TRIM9: variants seen among roughly 807,000 people sequenced by gnomAD.
The protein encoded by TRIM9 is tripartite motif containing 9, also known as E3 ubiquitin-protein ligase TRIM9.
A neutral mutation model predicts 78.3 loss-of-function variants in TRIM9; 26 were observed. That is an observed-to-expected ratio of 0.33 (90% CI 0.24 to 0.46). TRIM9 has a LOEUF of 0.46. Among genes scored for constraint, TRIM9 ranks in the 20% least tolerant of loss-of-function variants. TRIM9 has a pLI of 1.00. For synonymous variants in TRIM9, 398 were observed against 416.5 expected (o/e 0.96, Z 0.54); for missense variants, 787 against 1,036.4 (o/e 0.76, Z 3.30).
intron 1 of TRIM9, among the ~76,000 whole-genome samples, chr14:51,083,313 G>A (rs1381544655): frequency 6.6e-6 from 1 of 152,138 alleles, no homozygotes; most frequent in South Asian, 2.1e-4. Flanking sequence ...ATGCATTGGT[G>A]TAATCATGGC....
intron 3 of TRIM9, among the ~76,000 whole-genome samples, chr14:51,016,118 T>A (rs1314569225): frequency 6.6e-6 from 1 of 152,212 alleles, no homozygotes; most frequent in Non-Finnish European, 1.5e-5. Context: ...GGTACTGGCA[T>A]ATTACCTATG....
At chr14:51,023,972 C>T (rs112665441) in intron 2 of TRIM9, among the ~76,000 whole-genome samples, 6 of 152,276 alleles carry the variant, frequency 3.9e-5, no homozygotes, top group African/African-American at 1.2e-4. Flanking sequence ...AACTGGTAGG[C>T]ATTTAGTAAT....
intron 1 of TRIM9, among the ~76,000 whole-genome samples, chr14:51,049,205 G>A (rs962726633): frequency 4.4e-4 from 67 of 152,246 alleles, no homozygotes; most frequent in African/African-American, 1.6e-3. Context: ...GGGACTACAG[G>A]CATGCGCCAT....
In TRIM9 at chr14:51,008,987, T is replaced by C. The variant is rs2056214799; in HGVS notation, c.1306+93A>G. On this transcript the variant is annotated intron_variant, in intron 5 of 12. Transcript: ENST00000684578. ...ATAAGTTAGAAGCCACTCCATATTC[T>C]TGTTACATTAGCCAAAGGGGTACTG... 3 of 1,287,858 alleles carry C rather than the reference T, an allele frequency of 2.3e-6. No homozygotes were observed. In the East Asian group the frequency reaches 6.9e-5, roughly 30 times the overall value. The allele number at this position is 1,287,858 out of a possible 1,614,324, so 79.8% of individuals were successfully genotyped here. A position where few individuals can be genotyped will look rare whatever the true frequency, so the allele number is the denominator to read the frequency against.
intron 5 of TRIM9, among the ~76,000 whole-genome samples, chr14:51,003,562 G>A (rs1006458076): frequency 4.6e-5 from 7 of 151,834 alleles, no homozygotes; most frequent in Non-Finnish European, 8.8e-5. Context: ...AAAAGTAACT[G>A]AAATACATGA....
intron 1 of TRIM9, among the ~76,000 whole-genome samples, chr14:51,055,987 G>A (rs1027125927): frequency 1.3e-5 from 2 of 152,154 alleles, no homozygotes; most frequent in African/African-American, 4.8e-5. Context: ...CTCTGCCACA[G>A]AAGACAACCT....
At chr14:51,067,234 C>T (rs1596303512) in intron 1 of TRIM9, among the ~76,000 whole-genome samples, 1 of 152,088 alleles carries the variant, frequency 6.6e-6, no homozygotes, top group African/African-American at 2.4e-5. Flanking sequence ...TTTCTGAGGC[C>T]CCCTCCTAAT....
chr14:50,986,362 G>C (rs1372707701), intron 7 of TRIM9: 1 of 375,574 alleles, frequency 2.7e-6, no homozygotes, highest in Non-Finnish European at 4.7e-6. Flanking sequence ...GAACAACAAA[G>C]GCAATTGTTG....
chr14:51,046,990 C>T (rs2059998871), intron 1 of TRIM9, among the ~76,000 whole-genome samples: 1 of 152,172 alleles, frequency 6.6e-6, no homozygotes, highest in South Asian at 2.1e-4. Flanking sequence ...TAAAGAAATG[C>T]ATAGGAGTGA....
At chr14:51,068,807 T>G (rs1205884825) in intron 1 of TRIM9, among the ~76,000 whole-genome samples, 2 of 152,236 alleles carry the variant, frequency 1.3e-5, no homozygotes, top group African/African-American at 4.8e-5. Context: ...CTAGAGCAAC[T>G]GTTCTACTGC....
intron 10 of TRIM9, 51 bp from the exon 11 acceptor site, chr14:50,982,154 A>C: frequency 1.3e-6 from 2 of 1,594,126 alleles, no homozygotes; most frequent in Non-Finnish European, 1.7e-6. Flanking sequence ...CAACAAGCTC[A>C]GCACCATAAC....
chr14:51,041,508 T>G (rs748920175), intron 1 of TRIM9, among the ~76,000 whole-genome samples: 12 of 152,226 alleles, frequency 7.9e-5, no homozygotes, highest in Non-Finnish European at 1.5e-4. Flanking sequence ...GAATAGGTTT[T>G]AAAGCATCTC....
At chr14:51,075,444 T>G (rs992130167) in intron 1 of TRIM9, among the ~76,000 whole-genome samples, 1 of 152,246 alleles carries the variant, frequency 6.6e-6, no homozygotes, top group Non-Finnish European at 1.5e-5. Flanking sequence ...AACATGTATT[T>G]ACATTTGAAA....
intron 5 of TRIM9, among the ~76,000 whole-genome samples, chr14:51,006,432 G>A (rs1356971949): frequency 6.6e-6 from 1 of 152,150 alleles, no homozygotes; most frequent in Admixed American, 6.5e-5. Flanking sequence ...AGATATTACA[G>A]AGGCCAATAG....
At chr14:51,001,404 T>C (rs1366360902) in intron 5 of TRIM9, among the ~76,000 whole-genome samples, 2 of 151,898 alleles carry the variant, frequency 1.3e-5, no homozygotes, top group African/African-American at 4.8e-5. Context: ...TAATTTTTTG[T>C]ATTTTTAGTA....
At chr14:51,032,411 C>T (rs1167476300) in intron 1 of TRIM9, among the ~76,000 whole-genome samples, 1 of 152,238 alleles carries the variant, frequency 6.6e-6, no homozygotes, top group Non-Finnish European at 1.5e-5. Flanking sequence ...TGATAGATTA[C>T]CCTAGGAATT....
chr14:50,983,702 A>G (rs1193484031), intron 8 of TRIM9, among the ~76,000 whole-genome samples: 1 of 152,208 alleles, frequency 6.6e-6, no homozygotes, highest in Non-Finnish European at 1.5e-5. Context: ...CTTTTCCTCT[A>G]AAGTTTCCAC....
Position 50,979,605 on chromosome 14 carries a change from C to T in TRIM9, c.2163-56G>A, listed in dbSNP as rs938371199. 6 of 1,466,276 alleles carry T rather than the reference C, an allele frequency of 4.1e-6. No homozygotes were observed. The South Asian group carries it at 7.2e-5, about 18-fold the overall frequency. The allele number at this position is 1,466,276 out of a possible 1,614,324, so 90.8% of individuals were successfully genotyped here. ...TTCCTTGTGGTCACTCTAGAAGCTC[C>T]CCCCTTTTGTGTGGTGAAACCAGTG... On this transcript the variant is annotated intron_variant, in intron 11 of 12. Coordinates refer to ENST00000684578, the MANE Select transcript of TRIM9 (RefSeq NM_001387360.1).
rs746611272 is a variant in TRIM9 at position 50,979,381 on chromosome 14, G to A, written c.2325+6C>T. ...AGCTGTTTAACCTCAGGGGCAGGGT[G>A]CTTACCTGCACGTTCCTGTTCAGGC... On this transcript the variant is annotated splice_donor_region_variant and intron_variant, in intron 12 of 12. Coordinates refer to ENST00000684578, the MANE Select transcript of TRIM9 (RefSeq NM_001387360.1). 1 of 1,614,100 alleles carries A rather than the reference G, an allele frequency of 6.2e-7. No homozygotes were observed. The highest frequency in any genetic ancestry group is 8.5e-7 in the Non-Finnish European group (1 of 1,180,054).
Sources: gnomAD v4.1 joint callset for allele counts (sites outside exome capture counted in the v4.1 genomes callset) on GRCh38, gnomAD v4.1.1 for gene constraint, MANE v1.5 for transcripts, NCBI Gene and HGNC (gene_info 2026-07-23, HGNC 2026-07-21) for gene names.